HSF2BP: variants seen among roughly 807,000 people sequenced by gnomAD.
HSF2BP encodes heat shock factor 2-binding protein.
A neutral mutation model predicts 35.0 loss-of-function variants in HSF2BP; 35 were observed. That is an observed-to-expected ratio of 1.00 (90% CI 0.76 to 1.32). HSF2BP has a LOEUF of 1.32. Ranked by LOEUF, HSF2BP falls within the 40% of genes most tolerant of loss-of-function variation. The pLI is 0.00. For missense variants in HSF2BP, 326 were observed against 321.7 expected, an observed-to-expected ratio of 1.01 and a Z score of -0.10; for synonymous variants, 114 against 117.4, an observed-to-expected ratio of 0.97 and a Z score of 0.18.
At chr21:43,587,209 ACTC>A (rs1373429925) in intron 8 of HSF2BP, among the ~76,000 whole-genome samples, 1 of 152,214 alleles carries the variant, frequency 6.6e-6, no homozygotes, top group African/African-American at 2.4e-5. Context: ...CCCATACATA[ACTC>A]AGGAGTCAAA....
intron 3 of HSF2BP, among the ~76,000 whole-genome samples, chr21:43,647,485 C>A (rs1476134286): frequency 6.6e-6 from 1 of 152,122 alleles, no homozygotes; most frequent in Non-Finnish European, 1.5e-5. Flanking sequence ...CCCATCTTGG[C>A]CTCCCAAAGT....
intron 6 of HSF2BP, among the ~76,000 whole-genome samples, chr21:43,615,272 C>T (rs1309691866): frequency 6.6e-6 from 1 of 152,162 alleles, no homozygotes; most frequent in Non-Finnish European, 1.5e-5. Context: ...TCTAAAAATT[C>T]ACAGTTAAGT....
intron 8 of HSF2BP, among the ~76,000 whole-genome samples, chr21:43,578,686 T>C (rs1459560959): frequency 1.3e-5 from 2 of 152,132 alleles, no homozygotes; most frequent in Non-Finnish European, 2.9e-5. Flanking sequence ...GACACAACTA[T>C]AAGAAAGCCT....
chr21:43,612,478 C>G (rs908027492), intron 7 of HSF2BP, among the ~76,000 whole-genome samples: 8 of 151,970 alleles, frequency 5.3e-5, no homozygotes, highest in Non-Finnish European at 1.0e-4. Context: ...GGTGAAACCC[C>G]GTCTCTACTA....
Position 43,655,870 on chromosome 21 carries a change from G to T in HSF2BP, c.187+717C>A, listed in dbSNP as rs1418920872. 2.6e-5 allele frequency among the ~76,000 whole-genome samples: 4 copies of T among 152,336 alleles called. No individual in the cohort carries two copies. The East Asian group carries it at 7.7e-4, about 29-fold the overall frequency. On this transcript the variant is annotated intron_variant, in intron 3 of 8. Coordinates refer to ENST00000291560, the MANE Select transcript of HSF2BP (RefSeq NM_007031.2). ...GCACATGCCAGAAACTCATATTCTC[G>T]GGGTGAGCTATCTTCTTGTCTGGAC...
chr21:43,643,436 T>C (rs2082665966), intron 4 of HSF2BP, among the ~76,000 whole-genome samples: 1 of 152,074 alleles, frequency 6.6e-6, no homozygotes, highest in Admixed American at 6.5e-5. Context: ...GGTGAGTGAG[T>C]TCTTGCTCTC....
intron 6 of HSF2BP, among the ~76,000 whole-genome samples, chr21:43,620,681 C>G (rs1347717385): frequency 2.6e-5 from 4 of 152,068 alleles, no homozygotes; most frequent in Non-Finnish European, 4.4e-5. Context: ...GGTAACAGAG[C>G]AAGATCCCAT....
rs1228094851 is a variant in HSF2BP, at chr21:43,633,302, A to G, written c.411T>C (p.Ser137=). Residue 137 remains serine (S), a synonymous_variant, in exon 5 of 9, where the codon AGT becomes AGC. Coordinates refer to ENST00000291560, the MANE Select transcript of HSF2BP (RefSeq NM_007031.2). ...ACTLLWGVSS[S]EEVVKAILGG... Reference sequence around the variant, plus strand: ...CCAAAATGGCCTTGACGACTTCCTCACTGCTGGAGACACCCCACAAGAGGG... The same window carrying G: ...CCAAAATGGCCTTGACGACTTCCTCGCTGCTGGAGACACCCCACAAGAGGG... 1.9e-6 allele frequency: 3 copies of G among 1,613,122 alleles called. No individual in the cohort carries two copies. Among genetic ancestry groups the G allele is most frequent in the Non-Finnish European group, 2.5e-6 (3 of 1,179,734 alleles).
intron 7 of HSF2BP, among the ~76,000 whole-genome samples, chr21:43,606,017 C>T (rs1019085577): frequency 1.3e-5 from 2 of 152,156 alleles, no homozygotes; most frequent in Admixed American, 6.5e-5. Flanking sequence ...GCCACACTCA[C>T]ACCCTTGACT....
rs181649390 is a variant in HSF2BP, at chr21:43,658,321, C to T, written c.-224-1G>A. ...TTAGCCGGGGTTTTAAACTTGTTATCTGCAAAGCAGAAGGAAAGTCAGCCC... is the reference window on the plus strand; with the variant it reads ...TTAGCCGGGGTTTTAAACTTGTTATTTGCAAAGCAGAAGGAAAGTCAGCCC... On this transcript the variant is annotated splice_acceptor_variant, in intron 1 of 8. Transcript: ENST00000291560. LOFTEE classifies it low-confidence loss of function (5UTR_SPLICE). 1.8e-6 allele frequency: 1 copy of T among 554,940 alleles called. No homozygotes were observed. The highest frequency in any genetic ancestry group is 3.6e-5 in the Admixed American group (1 of 27,440). The allele number at this position is 554,940 out of a possible 1,614,324, so 34.4% of individuals were successfully genotyped here.
At chr21:43,634,324 G>C (rs1437651139) in intron 4 of HSF2BP, among the ~76,000 whole-genome samples, 5 of 152,152 alleles carry the variant, frequency 3.3e-5, no homozygotes, top group Admixed American at 2.6e-4. Context: ...AGAGTGATGG[G>C]GGGCTTCCTG....
At chr21:43,616,052 A>T (rs57432340) in intron 6 of HSF2BP, among the ~76,000 whole-genome samples, 27,777 of 143,838 alleles carry the variant, frequency 0.19, 2,827 homozygotes, top group East Asian at 0.24. Flanking sequence ...AAAAAAAAAA[A>T]ATATATATAT....
intron 8 of HSF2BP, among the ~76,000 whole-genome samples, chr21:43,586,631 G>A (rs1376764840): frequency 2.0e-5 from 3 of 152,052 alleles, no homozygotes; most frequent in Admixed American, 6.5e-5. Context: ...CATCAGAAAA[G>A]CAGGATTCTA....
At chr21:43,646,236 C>G (rs754440878) in intron 3 of HSF2BP, among the ~76,000 whole-genome samples, 5 of 151,884 alleles carry the variant, frequency 3.3e-5, no homozygotes, top group Non-Finnish European at 5.9e-5. Flanking sequence ...TCATTTTCTG[C>G]TCTTTTAAGA....
intron 3 of HSF2BP, among the ~76,000 whole-genome samples, chr21:43,653,876 G>A (rs1032945289): frequency 1.2e-4 from 18 of 152,074 alleles, no homozygotes; most frequent in African/African-American, 4.1e-4. Context: ...CAGGTTTCAT[G>A]CGGAGTAGTG....
chr21:43,644,219 A>G (rs2082678093), intron 4 of HSF2BP, 70 bp downstream of exon 4: 2 of 1,113,082 alleles, frequency 1.8e-6, no homozygotes, highest in Non-Finnish European at 2.7e-6. Flanking sequence ...CCCACTGCTT[A>G]TCATAAGTGA....
intron 3 of HSF2BP, among the ~76,000 whole-genome samples, chr21:43,645,315 G>A (rs772322720): frequency 3.3e-5 from 5 of 152,186 alleles, no homozygotes; most frequent in African/African-American, 1.2e-4. Context: ...AATTTGGAAC[G>A]TCTGGGGTGA....
chr21:43,592,250 G>C lies in HSF2BP; in HGVS notation c.771C>G (p.Ile257Met). 1 of 1,613,584 alleles carries C rather than the reference G, an allele frequency of 6.2e-7. No individual in the cohort carries two copies. Among genetic ancestry groups the C allele is most frequent in the Non-Finnish European group, 8.5e-7 (1 of 1,179,578 alleles). The change falls in exon 8 of 9, where the codon ATC (isoleucine) becomes ATG (methionine). Residue 257 changes from isoleucine to methionine, a missense_variant. Transcript: ENST00000291560. ...CACTCAAAAGCCACCACAGCAAAGG[G>C]ATGAATCCTGGACTCTCGCTGATGT... ...LKYISESPGF[I>M]PLLWWLLSDP... is the part of the protein sequence containing the mutation.
Position 43,656,704 on chromosome 21 carries a change from T to C in HSF2BP, c.70A>G (p.Arg24Gly). The stretch of plus-strand genomic sequence containing the variant: ...GTCAGCCGTTCCAGATCCTTCTTTC[T>C]GACTTTAACAAATTCCTCTTTAGTT... ...MGTKEEFVKVRKKDLERLTTE... is the reference protein window; with the variant it reads ...MGTKEEFVKVGKKDLERLTTE... The change falls in exon 3 of 9, where the codon AGA becomes GGA. Residue 24 changes from arginine to glycine, a missense_variant. Arg to Gly is a moderately radical substitution (Grantham distance 125, BLOSUM62 -2). Coordinates refer to ENST00000291560, the MANE Select transcript of HSF2BP (RefSeq NM_007031.2). 1 of 1,613,996 alleles carries C rather than the reference T, an allele frequency of 6.2e-7. No homozygotes were observed. The highest frequency in any genetic ancestry group is 2.2e-5 in the East Asian group (1 of 44,876).
Sources: gnomAD v4.1 joint callset for allele counts (sites outside exome capture counted in the v4.1 genomes callset) on GRCh38, gnomAD v4.1.1 for gene constraint, MANE v1.5 for transcripts, NCBI Gene and HGNC (gene_info 2026-07-23, HGNC 2026-07-21) for gene names.